DNER: variants seen among roughly 807,000 people sequenced by gnomAD.
The protein encoded by DNER is delta and Notch-like epidermal growth factor-related receptor.
DNER carries 33 observed loss-of-function variants against 78.2 expected under a neutral mutation model. That is an observed-to-expected ratio of 0.42 (90% confidence interval 0.32 to 0.56). The LOEUF is 0.56. Ranked by LOEUF, DNER falls within the 20% of genes least tolerant of loss-of-function variation. The pLI is 0.11. For synonymous variants in DNER, 417 were observed against 384.8 expected (o/e 1.08, Z -0.98); for missense variants, 918 against 975.3 (o/e 0.94, Z 0.78).
intron 8 of DNER, among the ~76,000 whole-genome samples, chr2:229,438,271 C>T (rs566654499): frequency 3.9e-5 from 6 of 152,200 alleles, no homozygotes; most frequent in Admixed American, 3.3e-4. Flanking sequence ...TGAAGGCCAC[C>T]TTTCATGCCA....
At chr2:229,474,175 G>A (rs894309593) in intron 7 of DNER, among the ~76,000 whole-genome samples, 1 of 152,074 alleles carries the variant, frequency 6.6e-6, no homozygotes, top group South Asian at 2.1e-4. Flanking sequence ...CAGAGTGCTG[G>A]GATTACAGGC....
intron 9 of DNER, among the ~76,000 whole-genome samples, chr2:229,411,948 T>C (rs1306815790): frequency 6.6e-6 from 1 of 152,166 alleles, no homozygotes; most frequent in African/African-American, 2.4e-5. Context: ...AAAACATGAG[T>C]AATTATGAAT....
intron 9 of DNER, among the ~76,000 whole-genome samples, chr2:229,416,226 T>C (rs1001363229): frequency 3.3e-5 from 5 of 152,370 alleles, no homozygotes; most frequent in Non-Finnish European, 5.9e-5. Flanking sequence ...TAGTTCCTCC[T>C]TTTTATTCAG....
chr2:229,358,725 T>C, intron 12 of DNER, 74 bp from the exon 13 acceptor site: 1 of 1,230,778 alleles, frequency 8.1e-7, no homozygotes, highest in Non-Finnish European at 1.2e-6. Context: ...GTGATGAGAA[T>C]AATTTATATG....
chr2:229,559,903 T>C (rs901229958), intron 4 of DNER, among the ~76,000 whole-genome samples: 1 of 152,204 alleles, frequency 6.6e-6, no homozygotes, highest in Non-Finnish European at 1.5e-5. Context: ...ACTCTGCTCT[T>C]GCCCACAACT....
intron 7 of DNER, among the ~76,000 whole-genome samples, chr2:229,464,678 TA>T (rs1694765678): frequency 1.3e-5 from 2 of 152,134 alleles, no homozygotes; most frequent in South Asian, 2.1e-4. Context: ...AAACATACTA[TA>T]AAAAAACAAG....
chr2:229,584,909 A>AAAGAAG (rs1373956179), intron 4 of DNER, among the ~76,000 whole-genome samples: 3 of 151,776 alleles, frequency 2.0e-5, no homozygotes, highest in African/African-American at 7.3e-5. Flanking sequence ...AAAAAAAAAA[A>AAAGAAG]AAGAAGAAGA....
intron 8 of DNER, among the ~76,000 whole-genome samples, chr2:229,439,018 G>A (rs1370282528): frequency 6.6e-6 from 1 of 152,154 alleles, no homozygotes; most frequent in Admixed American, 6.5e-5. Context: ...TGGCTGTATT[G>A]TCATGGGCAG....
intron 6 of DNER, among the ~76,000 whole-genome samples, chr2:229,503,343 T>A (rs1377104242): frequency 6.6e-6 from 1 of 152,166 alleles, no homozygotes; most frequent in African/African-American, 2.4e-5. Context: ...ACTAGCATTG[T>A]TACCAGCAGT....
intron 8 of DNER, among the ~76,000 whole-genome samples, chr2:229,427,101 G>C (rs913673801): frequency 6.6e-5 from 10 of 152,178 alleles, no homozygotes; most frequent in African/African-American, 2.4e-4. Context: ...AAATTGAAAG[G>C]ACTAAAGACA....
intron 7 of DNER, among the ~76,000 whole-genome samples, chr2:229,462,456 C>G (rs953277758): frequency 1.3e-5 from 2 of 152,008 alleles, no homozygotes; most frequent in African/African-American, 4.8e-5. Context: ...GGAGTCATAC[C>G]TGATTGTTTT....
In DNER at chr2:229,358,725, T is replaced by A; in HGVS notation, c.2103-74A>T. 5.7e-6 allele frequency: 7 copies of A among 1,230,778 alleles called. No homozygotes were observed. The South Asian group carries it at 9.5e-5, about 17-fold the overall frequency. The allele number at this position is 1,230,778 out of a possible 1,614,324, so 76.2% of individuals were successfully genotyped here. On this transcript the variant is annotated intron_variant, in intron 12 of 12. Coordinates refer to ENST00000341772, the MANE Select transcript of DNER (RefSeq NM_139072.4). ...GTTTAATTAAAGCAAGTGATGAGAA[T>A]AATTTATATGCATGAATTAAATGAA...
At chr2:229,692,215 C>T (rs541370927) in intron 1 of DNER, among the ~76,000 whole-genome samples, 11 of 152,316 alleles carry the variant, frequency 7.2e-5, no homozygotes, top group African/African-American at 2.6e-4. Context: ...TAGAAGAACC[C>T]TGATCTGACC....
In DNER at chr2:229,639,398, G is replaced by A. The variant is rs142908656; in HGVS notation, c.277-47510C>T. On this transcript the variant is annotated intron_variant, in intron 1 of 12. Coordinates refer to ENST00000341772, the MANE Select transcript of DNER (RefSeq NM_139072.4). ...GCCTCCTGAGTAGCTGGGATTACAGGTGTCCATCACCACGCCTGGCTAACT... is the reference window on the plus strand; with the variant it reads ...GCCTCCTGAGTAGCTGGGATTACAGATGTCCATCACCACGCCTGGCTAACT... Among the ~76,000 whole-genome samples, 15 of 152,154 alleles carry A rather than the reference G, an allele frequency of 9.9e-5. No individual in the cohort carries two copies. The East Asian group carries it at 1.9e-3, about 20-fold the overall frequency.
chr2:229,597,775 T>A lies in DNER; in HGVS notation c.277-5887A>T, dbSNP rs78404443. 6.1e-3 allele frequency among the ~76,000 whole-genome samples: 928 copies of A among 152,372 alleles called. 9 individuals carry two copies. The highest frequency in any genetic ancestry group is 0.021 in the African/African-American group (894 of 41,594). On this transcript the variant is annotated intron_variant, in intron 1 of 12. Transcript: ENST00000341772. ...GTGCTTGCTGCATCAGATCAATTTA[T>A]CTGCTTAAGCCACATTTTTTCACAT...
At chr2:229,534,120 G>A (rs1021026820) in intron 5 of DNER, among the ~76,000 whole-genome samples, 5 of 152,114 alleles carry the variant, frequency 3.3e-5, no homozygotes, top group African/African-American at 1.2e-4. Flanking sequence ...CCAATAGATT[G>A]TAATGAAACA....
intron 2 of DNER, among the ~76,000 whole-genome samples, chr2:229,590,412 C>T (rs79418265): frequency 6.6e-6 from 1 of 152,150 alleles, no homozygotes; most frequent in African/African-American, 2.4e-5. Context: ...TCTTTCTAAA[C>T]CCCATTGAAA....
intron 10 of DNER, among the ~76,000 whole-genome samples, chr2:229,398,638 A>G (rs993695428): frequency 3.3e-5 from 5 of 152,110 alleles, no homozygotes; most frequent in Non-Finnish European, 7.4e-5. Flanking sequence ...TTTCTTTTTT[A>G]AAACAACAAC....
chr2:229,397,099 T>C (rs1693162683), intron 10 of DNER, among the ~76,000 whole-genome samples: 1 of 152,168 alleles, frequency 6.6e-6, no homozygotes, highest in Non-Finnish European at 1.5e-5. Context: ...GAGTGAGAGT[T>C]CTGCTTTTGG....
Sources: gnomAD v4.1 joint callset for allele counts (sites outside exome capture counted in the v4.1 genomes callset) on GRCh38, gnomAD v4.1.1 for gene constraint, MANE v1.5 for transcripts, NCBI Gene and HGNC (gene_info 2026-07-23, HGNC 2026-07-21) for gene names.